Variants in SLC9A9 observed in about 807,000 individuals in gnomAD.
SLC9A9 encodes the protein sodium/hydrogen exchanger 9.
Under a neutral mutation model 77.8 loss-of-function variants are expected in SLC9A9, and 62 were observed. The ratio of observed to expected loss-of-function variants is 0.80; its 90% CI spans 0.65 to 0.98. The LOEUF (loss-of-function observed/expected upper bound fraction) is 0.98. Ranked by LOEUF, SLC9A9 falls within the 50% of genes least tolerant of loss-of-function variation. The pLI is 0.00. For synonymous variants in SLC9A9, 320 were observed against 283.5 expected (o/e 1.13, Z -1.29); for missense variants, 775 against 774.9 (o/e 1.00, Z 0.00).
intron 11 of SLC9A9, among the ~76,000 whole-genome samples, chr3:143,481,015 T>C (rs1002980277): frequency 1.3e-5 from 2 of 152,254 alleles, no homozygotes; most frequent in African/African-American, 4.8e-5. Flanking sequence ...AAGTTGAGTT[T>C]AGCCTGATTC....
intron 4 of SLC9A9, among the ~76,000 whole-genome samples, chr3:143,789,525 G>A (rs1039611281): frequency 1.3e-5 from 2 of 152,182 alleles, no homozygotes; most frequent in African/African-American, 4.8e-5. Context: ...AAGGCACTGA[G>A]GTACAGATTG....
intron 9 of SLC9A9, chr3:143,504,085 T>C: frequency 2.0e-6 from 1 of 503,568 alleles, no homozygotes; most frequent in Non-Finnish European, 3.9e-6. Context: ...CTTCCCGTTC[T>C]CAGCCTTGAT....
At chr3:143,362,666 C>T (rs558888726) in intron 14 of SLC9A9, among the ~76,000 whole-genome samples, 26 of 152,296 alleles carry the variant, frequency 1.7e-4, no homozygotes, top group Admixed American at 3.3e-4. Flanking sequence ...CTGACACTTT[C>T]TCACTGAAAG....
chr3:143,760,717 C>T lies in SLC9A9; in HGVS notation c.533+34284G>A, dbSNP rs573197646. Among the ~76,000 whole-genome samples, 148 of 152,288 alleles carry T rather than the reference C, an allele frequency of 9.7e-4. 1 individual carries two copies. The highest frequency in any genetic ancestry group is 1.4e-3 in the Non-Finnish European group (98 of 68,016). Reference sequence around the variant, plus strand: ...GGACACAAACAAATGGAAGAACATTCCATGCTCACGAATAGGAATCATCAA... The same window carrying T: ...GGACACAAACAAATGGAAGAACATTTCATGCTCACGAATAGGAATCATCAA... On this transcript the variant is annotated intron_variant, in intron 4 of 15. Coordinates refer to ENST00000316549, the MANE Select transcript of SLC9A9 (RefSeq NM_173653.4).
chr3:143,808,315 G>A (rs67128820), intron 2 of SLC9A9, among the ~76,000 whole-genome samples: 91,099 of 152,180 alleles, frequency 0.6, 29,915 homozygotes, highest in African/African-American at 0.86. Context: ...GAGTAAAAAA[G>A]CTTTTTGGAC....
At chr3:143,464,142 T>G (rs2035242688) in intron 12 of SLC9A9, among the ~76,000 whole-genome samples, 1 of 152,230 alleles carries the variant, frequency 6.6e-6, no homozygotes, top group African/African-American at 2.4e-5. Context: ...AATATCACGT[T>G]TGTCTTCGTG....
chr3:143,686,097 C>T (rs996863427), intron 5 of SLC9A9, among the ~76,000 whole-genome samples: 2 of 152,140 alleles, frequency 1.3e-5, no homozygotes, highest in East Asian at 1.9e-4. Flanking sequence ...GACACCTCAT[C>T]CGCGAGGGTG....
chr3:143,722,764 T>C (rs927369724), intron 4 of SLC9A9, among the ~76,000 whole-genome samples: 4 of 152,230 alleles, frequency 2.6e-5, no homozygotes, highest in African/African-American at 9.6e-5. Context: ...AATTGGTCTC[T>C]GTGCTACATT....
At chr3:143,498,570 A>C (rs1015303589) in intron 9 of SLC9A9, among the ~76,000 whole-genome samples, 1 of 152,082 alleles carries the variant, frequency 6.6e-6, no homozygotes, top group Non-Finnish European at 1.5e-5. Context: ...ATAAATAAAT[A>C]AGAAAGAATG....
At chr3:143,661,818 T>C (rs957286273) in intron 5 of SLC9A9, among the ~76,000 whole-genome samples, 1 of 152,270 alleles carries the variant, frequency 6.6e-6, no homozygotes, top group East Asian at 1.9e-4. Context: ...AGCCACTGTG[T>C]CCGGCCTCCT....
At chr3:143,739,921 T>G (rs1210813938) in intron 4 of SLC9A9, among the ~76,000 whole-genome samples, 3 of 152,212 alleles carry the variant, frequency 2.0e-5, no homozygotes, top group Non-Finnish European at 4.4e-5. Context: ...TCAAGTTTGT[T>G]TGCTTGTTTT....
Position 143,315,687 on chromosome 3 carries a change from G to A in SLC9A9, c.1605-46707C>T, listed in dbSNP as rs549722980. Among the ~76,000 whole-genome samples the A allele has an allele frequency of 5.3e-5, 8 of 152,308 alleles. No homozygotes were observed. The South Asian group carries it at 1.4e-3, about 28-fold the overall frequency. On this transcript the variant is annotated intron_variant, in intron 14 of 15. Transcript: ENST00000316549. ...TGTTCTTTGGTCAAAGAGATTGAAT[G>A]ATACTCACTCAGAGGCTGTACCAAT...
At chr3:143,610,272 C>T (rs936579847) in intron 6 of SLC9A9, among the ~76,000 whole-genome samples, 1 of 152,106 alleles carries the variant, frequency 6.6e-6, no homozygotes, top group African/African-American at 2.4e-5. Context: ...CCTCAGGCTC[C>T]CCATTAGCTG....
At chr3:143,365,720 C>G (rs1309576262) in intron 13 of SLC9A9, among the ~76,000 whole-genome samples, 1 of 152,206 alleles carries the variant, frequency 6.6e-6, no homozygotes, top group Non-Finnish European at 1.5e-5. Flanking sequence ...CTATACCTTT[C>G]TCAAAGCATT....
At chr3:143,284,576 A>G (rs1035449891) in intron 14 of SLC9A9, among the ~76,000 whole-genome samples, 1 of 151,766 alleles carries the variant, frequency 6.6e-6, no homozygotes, top group Admixed American at 6.6e-5. Flanking sequence ...AGTATTCTAA[A>G]ATATAATATA....
At chr3:143,489,960 G>T (rs1488647288) in intron 11 of SLC9A9, among the ~76,000 whole-genome samples, 3 of 151,952 alleles carry the variant, frequency 2.0e-5, no homozygotes, top group African/African-American at 7.3e-5. Context: ...AATCAAAAGG[G>T]CAATGAGCTA....
intron 14 of SLC9A9, among the ~76,000 whole-genome samples, chr3:143,338,397 C>A (rs1320783185): frequency 6.6e-6 from 1 of 152,064 alleles, no homozygotes; most frequent in Non-Finnish European, 1.5e-5. Context: ...GCAGACAGAG[C>A]AGTGTTATAT....
chr3:143,754,755 T>C (rs1433344614), intron 4 of SLC9A9, among the ~76,000 whole-genome samples: 1 of 152,168 alleles, frequency 6.6e-6, no homozygotes, highest in Non-Finnish European at 1.5e-5. Flanking sequence ...CTTCTGGAGA[T>C]GTTCAAAAGG....
intron 12 of SLC9A9, among the ~76,000 whole-genome samples, chr3:143,430,148 C>A (rs2034484673): frequency 6.6e-6 from 1 of 152,132 alleles, no homozygotes; most frequent in African/African-American, 2.4e-5. Context: ...TTCATCAGAA[C>A]CTTTTGGAGA....
Sources: gnomAD v4.1 joint callset for allele counts (sites outside exome capture counted in the v4.1 genomes callset) on GRCh38, gnomAD v4.1.1 for gene constraint, MANE v1.5 for transcripts, NCBI Gene and HGNC (gene_info 2026-07-23, HGNC 2026-07-21) for gene names.